CSGALNACT1: variants seen among roughly 807,000 people sequenced by gnomAD.
CSGALNACT1 encodes the protein beta4GalNAcT-1.
CSGALNACT1 carries 52 observed loss-of-function variants against 51.0 expected under a neutral mutation model. That is an observed-to-expected ratio of 1.02 (90% CI 0.82 to 1.29). CSGALNACT1 has a LOEUF of 1.29. CSGALNACT1 is among the 50% of genes most tolerant of loss of function. The pLI is 0.00. For synonymous variants in CSGALNACT1, 341 were observed against 254.4 expected (o/e 1.34, Z -3.24); for missense variants, 935 against 679.2 (o/e 1.38, Z -4.19).
upstream of CSGALNACT1, among the ~76,000 whole-genome samples, chr8:19,607,426 C>T (rs2051550987): frequency 6.6e-6 from 1 of 152,198 alleles, no homozygotes; most frequent in Non-Finnish European, 1.5e-5. Flanking sequence ...ACCAATAACA[C>T]AATTTTTCTC....
intron 3 of CSGALNACT1, among the ~76,000 whole-genome samples, chr8:19,541,397 C>T (rs952875575): frequency 6.6e-6 from 1 of 151,222 alleles, no homozygotes; most frequent in African/African-American, 2.4e-5. Context: ...ACTACAGGCA[C>T]TTGCCACCAC....
At chr8:19,711,348 A>G (rs1487824953) in intron 1 of CSGALNACT1, among the ~76,000 whole-genome samples, 1 of 152,166 alleles carries the variant, frequency 6.6e-6, no homozygotes, top group African/African-American at 2.4e-5. Flanking sequence ...GCAAGGAAGA[A>G]GTAGAAAAAG....
chr8:19,601,957 TAGTATATAAAATACAATGCATCTGAA>T (rs2050523952), intron 1 of CSGALNACT1, 92 bp from the exon 2 acceptor site: 1 of 444,090 alleles, frequency 2.3e-6, no homozygotes, highest in Non-Finnish European at 4.5e-6. Flanking sequence ...TTAAATCACT[TAGTATATAAAATACAATGCATCTGAA>T]AGTATTACCC....
chr8:19,624,838 C>A (rs1243127348), intron 1 of CSGALNACT1, among the ~76,000 whole-genome samples: 1 of 152,110 alleles, frequency 6.6e-6, no homozygotes, highest in African/African-American at 2.4e-5. Context: ...ACCACCACGC[C>A]CAGCTAATTT....
At chr8:19,467,594 C>G (rs917190698) in intron 4 of CSGALNACT1, among the ~76,000 whole-genome samples, 2 of 151,422 alleles carry the variant, frequency 1.3e-5, no homozygotes, top group Non-Finnish European at 2.9e-5. Context: ...GCCTGCCAGC[C>G]TCGCGGAGTT....
intron 1 of CSGALNACT1, among the ~76,000 whole-genome samples, chr8:19,639,957 T>C (rs1218754661): frequency 1.3e-5 from 2 of 150,932 alleles, no homozygotes; most frequent in African/African-American, 4.9e-5. Flanking sequence ...TCACTGTCCA[T>C]TGCAGCCCAG....
chr8:19,754,541 T>C (rs7816239), intron 1 of CSGALNACT1, among the ~76,000 whole-genome samples: 52,523 of 152,058 alleles, frequency 0.35, 9,247 homozygotes, highest in Middle Eastern at 0.4. Context: ...AAAAAGCATA[T>C]ATTTGGAAAT....
intron 4 of CSGALNACT1, chr8:19,494,929 A>G (rs1014833689): frequency 3.9e-5 from 6 of 152,026 alleles, no homozygotes; most frequent in African/African-American, 9.7e-5. Flanking sequence ...TTAGGCAGCT[A>G]TTTGCATGAT....
intron 1 of CSGALNACT1, among the ~76,000 whole-genome samples, chr8:19,655,882 A>G (rs2154187154): frequency 6.6e-6 from 1 of 152,306 alleles, no homozygotes; most frequent in East Asian, 1.9e-4. Flanking sequence ...AATAATAACA[A>G]AAGGTAGAAA....
intron 3 of CSGALNACT1, among the ~76,000 whole-genome samples, chr8:19,550,662 C>A (rs1189314528): frequency 1.3e-5 from 2 of 152,098 alleles, no homozygotes; most frequent in Non-Finnish European, 2.9e-5. Context: ...TAAAACTGTG[C>A]ATTTAAGTGA....
At position 19,416,980 on chromosome 8, in the gene CSGALNACT1, C is replaced by T. The variant is rs551360675; in HGVS notation, c.1227+1676G>A. Among the ~76,000 whole-genome samples, 6 of 152,148 alleles carry T rather than the reference C, an allele frequency of 3.9e-5. No homozygotes were observed. In the South Asian group the frequency reaches 1.2e-3, roughly 32 times the overall value. On this transcript the variant is annotated intron_variant, in intron 8 of 9. Transcript: ENST00000454498. ...CAGGCTCAAGCGATTTTCAACCTGCCTAGTAGCTGGGACTGTAGGTGTGTG... is the reference window on the plus strand; with the variant it reads ...CAGGCTCAAGCGATTTTCAACCTGCTTAGTAGCTGGGACTGTAGGTGTGTG...
At chr8:19,445,703 A>G (rs947577378) in intron 5 of CSGALNACT1, among the ~76,000 whole-genome samples, 2 of 152,202 alleles carry the variant, frequency 1.3e-5, no homozygotes, top group African/African-American at 2.4e-5. Flanking sequence ...TATAACTAAC[A>G]AGTACTTTAC....
At chr8:19,564,789 G>GT (rs749536060) in intron 3 of CSGALNACT1, among the ~76,000 whole-genome samples, 4 of 152,188 alleles carry the variant, frequency 2.6e-5, no homozygotes, top group Non-Finnish European at 4.4e-5. Flanking sequence ...TATTTCTGTG[G>GT]TTTTTTAATT....
chr8:19,408,410 C>G (rs539030183), intron 9 of CSGALNACT1, among the ~76,000 whole-genome samples: 3 of 149,388 alleles, frequency 2.0e-5, no homozygotes, highest in African/African-American at 7.4e-5. Context: ...CCCCCCTCCT[C>G]TAACCTCCCA....
chr8:19,620,905 GGGGCTGTGAGATACT>G (rs1473775911), intron 1 of CSGALNACT1, among the ~76,000 whole-genome samples: 10 of 152,106 alleles, frequency 6.6e-5, no homozygotes, highest in Admixed American at 6.6e-4. Context: ...CCCTTAAGTG[GGGGCTGTGAGATACT>G]CTCACACCCC....
rs150428447 is a variant in CSGALNACT1, at chr8:19,463,659, C to T, written c.635-5017G>A. 2.6e-5 allele frequency among the ~76,000 whole-genome samples: 4 copies of T among 152,320 alleles called. No homozygotes were observed. The East Asian group carries it at 5.8e-4, about 22-fold the overall frequency. ...GTGCAGAACAGCATCATTTCGTGCA[C>T]TATGCAAATTAAAGATCAAAATCAG... is the stretch of plus-strand genomic sequence containing the variant. On this transcript the variant is annotated intron_variant, in intron 4 of 9. Transcript: ENST00000454498.
chr8:19,433,848 C>T (rs1452472813), intron 6 of CSGALNACT1, among the ~76,000 whole-genome samples: 2 of 152,134 alleles, frequency 1.3e-5, no homozygotes, highest in African/African-American at 2.4e-5. Flanking sequence ...CAACACAATT[C>T]TTCTTATTTC....
chr8:19,502,232 T>C (rs1274203610), intron 4 of CSGALNACT1, among the ~76,000 whole-genome samples: 3 of 152,210 alleles, frequency 2.0e-5, no homozygotes, highest in Non-Finnish European at 4.4e-5. Flanking sequence ...CTCTGAGAGA[T>C]GGTTGCTTGG....
At chr8:19,732,226 A>G (rs2063731574) in intron 1 of CSGALNACT1, among the ~76,000 whole-genome samples, 1 of 152,234 alleles carries the variant, frequency 6.6e-6, no homozygotes, top group Admixed American at 6.5e-5. Context: ...TTTGATGAAC[A>G]TTAACTAACA....
Sources: allele counts gnomAD v4.1 joint callset (sites outside exome capture counted in the v4.1 genomes callset), GRCh38; gene constraint gnomAD v4.1.1; transcripts MANE v1.5; gene names NCBI Gene and HGNC (gene_info 2026-07-23, HGNC 2026-07-21).